The following CNTN4 variants were observed in gnomAD, a reference collection of about 807,000 sequenced individuals.
CNTN4 encodes the protein contactin-4.
Under a neutral mutation model 122.5 loss-of-function variants are expected in CNTN4, and 77 were observed. The observed-to-expected ratio is 0.63, with a 90% CI of 0.52 to 0.76. CNTN4 has a LOEUF of 0.76. CNTN4 is among the 30% of genes least tolerant of loss of function. The probability of loss-of-function intolerance (pLI) is 0.00; values close to 1 mark genes in which losing one functional copy is unlikely to be tolerated. For missense variants in CNTN4, 1,256 were observed against 1,259.1 expected (o/e 1.00, Z 0.04); for synonymous variants, 512 against 447.0 (o/e 1.15, Z -1.83).
In CNTN4 at chr3:2,947,729, C is replaced by A. The variant is rs568176157; in HGVS notation, c.1358+21950C>A. On this transcript the variant is annotated intron_variant, in intron 13 of 24. Coordinates refer to ENST00000418658, the MANE Select transcript of CNTN4 (RefSeq NM_175607.3). ...TATTAAAATCTGAGTATAAAAGCTA[C>A]AGCCAGATCCCTATCTCTTCCATTA... is the stretch of plus-strand genomic sequence containing the variant. 6.6e-5 allele frequency among the ~76,000 whole-genome samples: 10 copies of A among 152,326 alleles called. No individual in the cohort carries two copies. The East Asian group carries it at 1.9e-3, about 29-fold the overall frequency.
chr3:2,419,585 A>C (rs929530780), intron 3 of CNTN4, among the ~76,000 whole-genome samples: 3 of 152,204 alleles, frequency 2.0e-5, no homozygotes, highest in African/African-American at 7.2e-5. Flanking sequence ...CTAAAAGATA[A>C]AGCATTTAAA....
chr3:2,361,936 G>T (rs562149758), intron 3 of CNTN4, among the ~76,000 whole-genome samples: 1 of 152,272 alleles, frequency 6.6e-6, no homozygotes, highest in African/African-American at 2.4e-5. Context: ...ATAGATACAT[G>T]ATTTATGGTC....
chr3:2,228,336 T>C (rs918404884), intron 2 of CNTN4, among the ~76,000 whole-genome samples: 2 of 151,864 alleles, frequency 1.3e-5, no homozygotes, highest in Non-Finnish European at 2.9e-5. Context: ...TAAAATTATA[T>C]AGCATTTAAA....
intron 4 of CNTN4, among the ~76,000 whole-genome samples, chr3:2,607,271 A>G (rs1240499625): frequency 1.3e-5 from 2 of 152,208 alleles, no homozygotes; most frequent in Non-Finnish European, 2.9e-5. Flanking sequence ...CCTACAATCT[A>G]GCCATGATAA....
intron 2 of CNTN4, among the ~76,000 whole-genome samples, chr3:2,327,153 T>TTGTG (rs71621482): frequency 8.8e-6 from 1 of 114,004 alleles, no homozygotes; most frequent in African/African-American, 3.0e-5. Flanking sequence ...GTGTGTGTGT[T>TTGTG]TGTGTGTGTG....
intron 2 of CNTN4, among the ~76,000 whole-genome samples, chr3:2,292,111 T>C (rs1420093036): frequency 6.6e-6 from 1 of 152,210 alleles, no homozygotes; most frequent in Admixed American, 6.5e-5. Flanking sequence ...TTAAAATGTC[T>C]CATGCCCATT....
chr3:2,441,774 G>T (rs2048450978), intron 3 of CNTN4, among the ~76,000 whole-genome samples: 1 of 152,124 alleles, frequency 6.6e-6, no homozygotes, highest in Non-Finnish European at 1.5e-5. Flanking sequence ...AACGTGAGGA[G>T]GCAGTCTGGA....
intron 4 of CNTN4, among the ~76,000 whole-genome samples, chr3:2,598,253 G>A (rs1416011432): frequency 6.6e-6 from 1 of 152,124 alleles, no homozygotes; most frequent in Non-Finnish European, 1.5e-5. Flanking sequence ...GAGCCCAGTT[G>A]GCAATGTTGG....
At chr3:2,637,704 G>A (rs574995756) in intron 4 of CNTN4, among the ~76,000 whole-genome samples, 2 of 152,208 alleles carry the variant, frequency 1.3e-5, no homozygotes, top group East Asian at 3.9e-4. Flanking sequence ...TATAAAGCCT[G>A]TATGTTTTAC....
intron 2 of CNTN4, among the ~76,000 whole-genome samples, chr3:2,305,109 T>A (rs73807709): frequency 0.023 from 3,557 of 152,168 alleles, 136 homozygotes; most frequent in African/African-American, 0.081. Context: ...CTCAGAGCTA[T>A]CAATTGTTTT....
At chr3:2,456,111 C>G (rs2048989324) in intron 3 of CNTN4, among the ~76,000 whole-genome samples, 1 of 152,028 alleles carries the variant, frequency 6.6e-6, no homozygotes, top group Non-Finnish European at 1.5e-5. Flanking sequence ...GCTATCTGCA[C>G]AGCTAAGAGC....
chr3:2,499,910 T>C (rs796095862), intron 3 of CNTN4, among the ~76,000 whole-genome samples: 6 of 152,112 alleles, frequency 3.9e-5, no homozygotes, highest in African/African-American at 1.4e-4. Flanking sequence ...ATTTCTTCCA[T>C]TGTCATTTAG....
chr3:2,233,811 A>G (rs903992651), intron 2 of CNTN4, among the ~76,000 whole-genome samples: 3 of 152,206 alleles, frequency 2.0e-5, no homozygotes, highest in African/African-American at 7.2e-5. Flanking sequence ...TAAGAAAGTC[A>G]ATGGAAAAGT....
chr3:3,005,317 T>A (rs1696508641), intron 14 of CNTN4, among the ~76,000 whole-genome samples: 1 of 152,226 alleles, frequency 6.6e-6, no homozygotes, highest in Admixed American at 6.5e-5. Flanking sequence ...AATTTCTACT[T>A]CCTTTTTGCT....
intron 14 of CNTN4, among the ~76,000 whole-genome samples, chr3:3,016,465 C>T (rs1403993674): frequency 6.6e-6 from 1 of 152,126 alleles, no homozygotes; most frequent in Non-Finnish European, 1.5e-5. Flanking sequence ...CAAATCCAGA[C>T]CCCGGAGGTT....
At chr3:2,227,368 C>T (rs1481883630) in intron 2 of CNTN4, among the ~76,000 whole-genome samples, 1 of 152,156 alleles carries the variant, frequency 6.6e-6, no homozygotes, top group East Asian at 1.9e-4. Context: ...TGAACCTCAA[C>T]AGTCCATCCT....
intron 2 of CNTN4, among the ~76,000 whole-genome samples, chr3:2,215,947 ATTAG>A (rs1250597226): frequency 6.6e-6 from 1 of 150,904 alleles, no homozygotes; most frequent in Non-Finnish European, 1.5e-5. Context: ...GGGAGTGTAA[ATTAG>A]TTCAACCATT....
chr3:2,571,436 T>A lies in CNTN4; in HGVS notation c.-68T>A. ...CACAGATTAAAGGTTATACAAAACT[T>A]AAAAGAAGCAGCAATTCTATTCGCT... is the stretch of plus-strand genomic sequence containing the variant. On this transcript the variant is annotated 5_prime_UTR_variant, in exon 4 of 25. Coordinates refer to ENST00000418658, the MANE Select transcript of CNTN4 (RefSeq NM_175607.3). 1.8e-6 allele frequency: 2 copies of A among 1,126,106 alleles called. No homozygotes were observed. Among genetic ancestry groups the A allele is most frequent in the Non-Finnish European group, 2.7e-6 (2 of 735,008 alleles). The allele number at this position is 1,126,106 out of a possible 1,614,324, so 69.8% of individuals were successfully genotyped here.
At chr3:2,845,040 A>G (rs2093430863) in intron 7 of CNTN4, among the ~76,000 whole-genome samples, 1 of 152,194 alleles carries the variant, frequency 6.6e-6, no homozygotes, top group Admixed American at 6.5e-5. Flanking sequence ...ATAAACTTTA[A>G]ATATTATATA....
Sources: gnomAD v4.1 joint callset for allele counts (sites outside exome capture counted in the v4.1 genomes callset) on GRCh38, gnomAD v4.1.1 for gene constraint, MANE v1.5 for transcripts, NCBI Gene and HGNC (gene_info 2026-07-23, HGNC 2026-07-21) for gene names.